SLC22A24: variants seen among roughly 807,000 people sequenced by gnomAD.
The protein encoded by SLC22A24 is steroid transmembrane transporter SLC22A24.
In SLC22A24, 53 loss-of-function variants were observed where a neutral mutation model predicts 49.8. The ratio of observed to expected loss-of-function variants is 1.06; its 90% CI spans 0.85 to 1.34. The LOEUF (loss-of-function observed/expected upper bound fraction) is 1.34, where lower values mean the gene tolerates loss of function less well. Ranked by LOEUF, SLC22A24 falls within the 40% of genes most tolerant of loss-of-function variation. SLC22A24 has a pLI of 0.00. For synonymous variants in SLC22A24, 302 were observed against 256.4 expected (o/e 1.18, Z -1.70); for missense variants, 786 against 675.9 (o/e 1.16, Z -1.81).
Position 63,096,183 on chromosome 11 carries a change from C to G in SLC22A24, c.955-77G>C. The G allele has an allele frequency of 7.8e-6, 7 of 894,962 alleles. No individual in the cohort carries two copies. In the South Asian group the frequency reaches 1.1e-4, roughly 14 times the overall value. 55.4% of individuals were successfully genotyped at this position (894,962 alleles called of 1,614,324 possible). A position where few individuals can be genotyped will look rare whatever the true frequency, so the allele number is the denominator to read the frequency against. On this transcript the variant is annotated intron_variant, in intron 5 of 9. Coordinates refer to ENST00000612278, the MANE Select transcript of SLC22A24 (RefSeq NM_001136506.2). ...AGGCATAGTGGTAAGTACTAGAGAA[C>G]AAGATAGACATATTGTAAACTATCC...
chr11:63,103,655 CT>C (rs564151107), intron 5 of SLC22A24, among the ~76,000 whole-genome samples: 32 of 152,248 alleles, frequency 2.1e-4, no homozygotes, highest in African/African-American at 7.7e-4. Context: ...ATTAGTACCC[CT>C]GATGAAGACA....
At chr11:63,092,482 G>A (rs1253394939) in intron 6 of SLC22A24, among the ~76,000 whole-genome samples, 1 of 110,292 alleles carries the variant, frequency 9.1e-6, no homozygotes, top group African/African-American at 3.2e-5. Context: ...GAGGCATCAT[G>A]CTACCTGACT....
At chr11:63,093,697 G>A (rs2087034854) in intron 6 of SLC22A24, among the ~76,000 whole-genome samples, 1 of 152,012 alleles carries the variant, frequency 6.6e-6, no homozygotes, top group Non-Finnish European at 1.5e-5. Flanking sequence ...TACCTAATTG[G>A]GGAAGGTGGG....
At chr11:63,139,923 G>A (rs2087402653) in intron 1 of SLC22A24, among the ~76,000 whole-genome samples, 1 of 151,050 alleles carries the variant, frequency 6.6e-6, no homozygotes, top group African/African-American at 2.4e-5. Context: ...GTTTTTTTTT[G>A]TGTGTGATAT....
chr11:63,081,483 G>A, intron 8 of SLC22A24, 75 bp downstream of exon 8: 1 of 1,021,272 alleles, frequency 9.8e-7, no homozygotes, highest in South Asian at 1.4e-5. Flanking sequence ...AACAGTGTCA[G>A]TCTTTCATTC....
chr11:63,099,160 C>T (rs12283804), intron 5 of SLC22A24, among the ~76,000 whole-genome samples: 75,974 of 151,602 alleles, frequency 0.5, 19,145 homozygotes, highest in East Asian at 0.54. Context: ...CTGATGATTT[C>T]GCTGATGCAT....
chr11:63,103,971 C>A (rs371323035), intron 5 of SLC22A24, among the ~76,000 whole-genome samples: 1 of 152,226 alleles, frequency 6.6e-6, no homozygotes, highest in Admixed American at 6.5e-5. Flanking sequence ...TTTAATTAAA[C>A]AATTATATCC....
At chr11:63,089,763 C>T (rs1437978240) in intron 6 of SLC22A24, among the ~76,000 whole-genome samples, 1 of 152,066 alleles carries the variant, frequency 6.6e-6, no homozygotes, top group Non-Finnish European at 1.5e-5. Flanking sequence ...ATAAAACAGA[C>T]TTTAAGCCAA....
intron 4 of SLC22A24, chr11:63,118,515 T>C: frequency 3.0e-6 from 1 of 337,946 alleles, no homozygotes; most frequent in Non-Finnish European, 5.4e-6. Flanking sequence ...CAGCATGCTC[T>C]TCTAATTTTA....
intron 4 of SLC22A24, chr11:63,116,021 CT>C: frequency 3.0e-6 from 1 of 331,274 alleles, no homozygotes; most frequent in East Asian, 5.7e-5. Context: ...CAAGAGCCTA[CT>C]TCCCAAGCTT....
chr11:63,141,275 T>G (rs1215147175), intron 1 of SLC22A24, among the ~76,000 whole-genome samples: 1 of 152,222 alleles, frequency 6.6e-6, no homozygotes, highest in Non-Finnish European at 1.5e-5. Flanking sequence ...TTTTATGTAA[T>G]GTTAAAAGAT....
At chr11:63,088,759 G>A (rs1257021305) in intron 6 of SLC22A24, among the ~76,000 whole-genome samples, 1 of 151,984 alleles carries the variant, frequency 6.6e-6, no homozygotes, top group Non-Finnish European at 1.5e-5. Context: ...GAAAATCACA[G>A]CATGAGAACT....
At chr11:63,088,743 G>A (rs1268740358) in intron 6 of SLC22A24, among the ~76,000 whole-genome samples, 1 of 151,916 alleles carries the variant, frequency 6.6e-6, no homozygotes, top group Non-Finnish European at 1.5e-5. Flanking sequence ...ATTACCTGAT[G>A]GAGCTGAAAA....
intron 6 of SLC22A24, among the ~76,000 whole-genome samples, chr11:63,090,771 G>C (rs1182617438): frequency 6.6e-6 from 1 of 151,796 alleles, no homozygotes; most frequent in Non-Finnish European, 1.5e-5. Flanking sequence ...CTGGGACACA[G>C]GTAAAGCAGT....
At chr11:63,126,634 C>T (rs2087292911) in intron 2 of SLC22A24, among the ~76,000 whole-genome samples, 1 of 152,116 alleles carries the variant, frequency 6.6e-6, no homozygotes, top group African/African-American at 2.4e-5. Flanking sequence ...ATTTTCTTAG[C>T]TATGTGGGGT....
intron 5 of SLC22A24, among the ~76,000 whole-genome samples, chr11:63,101,714 TAAAGA>T (rs1565327579): frequency 6.6e-6 from 1 of 152,060 alleles, no homozygotes; most frequent in African/African-American, 2.4e-5. Flanking sequence ...AATAAATTGA[TAAAGA>T]AAAGTTGATA....
intron 4 of SLC22A24, among the ~76,000 whole-genome samples, chr11:63,105,754 A>G (rs1168967524): frequency 6.6e-6 from 1 of 151,388 alleles, no homozygotes; most frequent in African/African-American, 2.4e-5. Flanking sequence ...CCCTGGAGAC[A>G]TTTTCCTCAT....
intron 6 of SLC22A24, among the ~76,000 whole-genome samples, chr11:63,093,386 T>C (rs1410858058): frequency 1.3e-5 from 2 of 152,106 alleles, no homozygotes; most frequent in East Asian, 1.9e-4. Context: ...TAAAAACACA[T>C]GCACACGTAT....
chr11:63,083,221 C>T (rs1190017664), intron 7 of SLC22A24, 22 bp downstream of exon 7: 1 of 1,540,966 alleles, frequency 6.5e-7, no homozygotes, highest in Admixed American at 2.0e-5. Context: ...ACTTTCTTTC[C>T]TGAAACTCCT....
Sources: gnomAD v4.1 joint callset for allele counts (sites outside exome capture counted in the v4.1 genomes callset) on GRCh38, gnomAD v4.1.1 for gene constraint, MANE v1.5 for transcripts, NCBI Gene and HGNC (gene_info 2026-07-23, HGNC 2026-07-21) for gene names.